Variants in SERGEF observed in about 807,000 individuals in gnomAD.
SERGEF encodes the protein secretion-regulating guanine nucleotide exchange factor.
In SERGEF, 51 loss-of-function variants were observed where a neutral mutation model predicts 50.0. The observed-to-expected ratio is 1.02, with a 90% CI of 0.81 to 1.29. SERGEF has a LOEUF of 1.29. SERGEF is among the 50% of genes most tolerant of loss of function. SERGEF has a pLI of 0.00. For missense variants in SERGEF, 521 were observed against 557.0 expected (o/e 0.94, Z 0.65); for synonymous variants, 205 against 212.4 (o/e 0.97, Z 0.30).
intron 10 of SERGEF, among the ~76,000 whole-genome samples, chr11:17,853,376 C>T (rs961617519): frequency 6.6e-6 from 1 of 152,156 alleles, no homozygotes; most frequent in African/African-American, 2.4e-5. Context: ...TTTCCCAAGG[C>T]ACCACACCCC....
intron 8 of SERGEF, among the ~76,000 whole-genome samples, chr11:17,983,579 A>C (rs1202153813): frequency 6.6e-6 from 1 of 152,180 alleles, no homozygotes; most frequent in Admixed American, 6.5e-5. Context: ...TAAGGAAATA[A>C]GTTCAAAGAA....
intron 10 of SERGEF, among the ~76,000 whole-genome samples, chr11:17,874,685 A>C (rs1468483716): frequency 6.6e-6 from 1 of 152,160 alleles, no homozygotes; most frequent in Non-Finnish European, 1.5e-5. Flanking sequence ...CCTGTCTGGG[A>C]CAATGAATAG....
At chr11:17,830,584 G>C (rs1480757402) in intron 10 of SERGEF, among the ~76,000 whole-genome samples, 1 of 140,930 alleles carries the variant, frequency 7.1e-6, no homozygotes, top group Non-Finnish European at 1.5e-5. Context: ...GAGAGAGATG[G>C]GGAGAGGGAG....
intron 5 of SERGEF, among the ~76,000 whole-genome samples, chr11:17,998,104 T>G (rs1449786305): frequency 1.3e-5 from 2 of 152,076 alleles, no homozygotes; most frequent in Non-Finnish European, 2.9e-5. Context: ...ACATATCAAC[T>G]AATTACAATA....
intron 9 of SERGEF, among the ~76,000 whole-genome samples, chr11:17,904,058 A>G (rs953759438): frequency 6.6e-6 from 1 of 152,242 alleles, no homozygotes; most frequent in African/African-American, 2.4e-5. Flanking sequence ...GGGCCAGGGG[A>G]GTATATGCAG....
At chr11:17,816,780 TGGC>T (rs1849982747) in intron 10 of SERGEF, among the ~76,000 whole-genome samples, 1 of 152,226 alleles carries the variant, frequency 6.6e-6, no homozygotes, top group African/African-American at 2.4e-5. Context: ...GAATCAGCTC[TGGC>T]TCTGGCCTGA....
At chr11:17,961,474 C>T (rs570241273) in intron 8 of SERGEF, among the ~76,000 whole-genome samples, 1 of 152,288 alleles carries the variant, frequency 6.6e-6, no homozygotes, top group South Asian at 2.1e-4. Context: ...AAGTTGTTAT[C>T]TCTAAGACTA....
intron 8 of SERGEF, among the ~76,000 whole-genome samples, chr11:17,978,771 A>G (rs1853432606): frequency 6.6e-6 from 1 of 152,184 alleles, no homozygotes; most frequent in Non-Finnish European, 1.5e-5. Context: ...AAAACAGGGA[A>G]GGCCTGGGTG....
At chr11:17,923,650 G>A (rs976146766) in intron 9 of SERGEF, among the ~76,000 whole-genome samples, 1 of 152,196 alleles carries the variant, frequency 6.6e-6, no homozygotes, top group African/African-American at 2.4e-5. Context: ...TACAGAGAGT[G>A]AAGCAAAAGG....
intron 9 of SERGEF, among the ~76,000 whole-genome samples, chr11:17,893,311 A>C (rs1191690870): frequency 6.6e-6 from 1 of 152,204 alleles, no homozygotes; most frequent in African/African-American, 2.4e-5. Context: ...TTGGGCATGA[A>C]GCCTGTACTT....
chr11:17,877,197 G>C (rs899631444), intron 10 of SERGEF, among the ~76,000 whole-genome samples: 1 of 152,210 alleles, frequency 6.6e-6, no homozygotes, highest in Non-Finnish European at 1.5e-5. Context: ...TTAGAAGCTA[G>C]GAGACAGGAG....
intron 10 of SERGEF, among the ~76,000 whole-genome samples, chr11:17,828,088 C>A (rs1377855865): frequency 6.6e-6 from 1 of 152,174 alleles, no homozygotes; most frequent in East Asian, 1.9e-4. Context: ...GAGCTAGGGG[C>A]TAGTGAAGGC....
chr11:17,862,875 G>A (rs1850951231), intron 10 of SERGEF, among the ~76,000 whole-genome samples: 1 of 152,234 alleles, frequency 6.6e-6, no homozygotes, highest in Non-Finnish European at 1.5e-5. Flanking sequence ...TGCTATGGTA[G>A]ATAAGACAAA....
At chr11:17,999,645 G>A (rs982712531) in intron 5 of SERGEF, 44 of 442,730 alleles carry the variant, frequency 9.9e-5, no homozygotes, top group South Asian at 6.0e-4. Context: ...TCTCCCACAC[G>A]CCACCTCCCT....
intron 10 of SERGEF, among the ~76,000 whole-genome samples, chr11:17,815,339 C>T (rs1469019979): frequency 2.0e-5 from 3 of 151,564 alleles, no homozygotes; most frequent in Non-Finnish European, 2.9e-5. Context: ...TGGCTCACGC[C>T]TGTAATCCTA....
At position 17,794,947 on chromosome 11, in the gene SERGEF, G is replaced by A. The variant is rs11603862; in HGVS notation, c.1049-6534C>T. 7.0e-3 allele frequency among the ~76,000 whole-genome samples: 1,073 copies of A among 152,346 alleles called. 8 individuals are homozygous for A. Among genetic ancestry groups the A allele is most frequent in the Non-Finnish European group, 0.011 (733 of 68,032 alleles). On this transcript the variant is annotated intron_variant, in intron 10 of 10. Transcript: ENST00000265965. Reference sequence around the variant, plus strand: ...GAGCAGAAATCTCCCTGAGCCCTGTGAGCGCTGGGGCTGAGGCCCTGCCCC... The same window carrying A: ...GAGCAGAAATCTCCCTGAGCCCTGTAAGCGCTGGGGCTGAGGCCCTGCCCC...
chr11:17,886,314 T>C (rs188763568), intron 9 of SERGEF, among the ~76,000 whole-genome samples: 112 of 152,284 alleles, frequency 7.4e-4, no homozygotes, highest in African/African-American at 2.3e-3. Flanking sequence ...AGGTTCACTA[T>C]GAAGAGTTCT....
At chr11:17,831,946 A>G (rs1295598489) in intron 10 of SERGEF, among the ~76,000 whole-genome samples, 4 of 151,744 alleles carry the variant, frequency 2.6e-5, no homozygotes, top group Non-Finnish European at 4.4e-5. Context: ...CCTTCAAACT[A>G]CCTCCCCTAG....
chr11:18,005,994 T>C lies in SERGEF; in HGVS notation c.352+597A>G, dbSNP rs115988048. ...CCCCAAGCACACAGCTATCATGAAC[T>C]TTTGGGACAGGAAGTGGCCACCAAA... is the stretch of plus-strand genomic sequence containing the variant. On this transcript the variant is annotated intron_variant, in intron 3 of 10. Coordinates refer to ENST00000265965, the MANE Select transcript of SERGEF (RefSeq NM_012139.4). Among the ~76,000 whole-genome samples the C allele has an allele frequency of 6.8e-3, 1,042 of 152,328 alleles. 10 individuals carry two copies. Among genetic ancestry groups the C allele is most frequent in the African/African-American group, 0.023 (973 of 41,574 alleles).
Sources: gnomAD v4.1 joint callset for allele counts (sites outside exome capture counted in the v4.1 genomes callset) on GRCh38, gnomAD v4.1.1 for gene constraint, MANE v1.5 for transcripts, NCBI Gene and HGNC (gene_info 2026-07-23, HGNC 2026-07-21) for gene names.